Variants in GALNT13 observed in about 807,000 individuals in gnomAD.
GALNT13 encodes the protein UDP-GalNAc:polypeptide N-acetylgalactosaminyltransferase 13.
Under a neutral mutation model 64.2 loss-of-function variants are expected in GALNT13, and 28 were observed. The observed-to-expected ratio is 0.44, with a 90% CI of 0.32 to 0.60. The LOEUF is 0.60. Ranked by LOEUF, GALNT13 falls within the 20% of genes least tolerant of loss-of-function variation. The pLI is 0.05. For synonymous variants in GALNT13, 214 were observed against 224.6 expected (o/e 0.95, Z 0.42); for missense variants, 577 against 669.8 (o/e 0.86, Z 1.53).
the GALNT13 span, among the ~76,000 whole-genome samples, chr2:153,530,392 C>T: frequency 1.4e-4 from 21 of 152,122 alleles, no homozygotes; most frequent in Admixed American, 4.6e-4. Flanking sequence ...AATTGAAAGA[C>T]ATTCCATGCT....
the GALNT13 span, among the ~76,000 whole-genome samples, chr2:153,120,998 A>T: frequency 6.6e-6 from 1 of 152,232 alleles, no homozygotes; most frequent in African/African-American, 2.4e-5. Context: ...TCCTATAGTT[A>T]TAATCTTAGT....
At chr2:153,440,113 C>G in the GALNT13 span, among the ~76,000 whole-genome samples, 1 of 152,046 alleles carries the variant, frequency 6.6e-6, no homozygotes, top group Non-Finnish European at 1.5e-5. Flanking sequence ...CCCCCCACCC[C>G]CAACAGGCCA....
the GALNT13 span, among the ~76,000 whole-genome samples, chr2:153,422,730 G>GA: frequency 6.6e-6 from 1 of 151,516 alleles, no homozygotes; most frequent in African/African-American, 2.4e-5. Context: ...TATTTTTTAA[G>GA]AAAAAAATAC....
chr2:153,316,861 T>C, the GALNT13 span, among the ~76,000 whole-genome samples: 2 of 152,102 alleles, frequency 1.3e-5, no homozygotes, highest in Non-Finnish European at 1.5e-5. Flanking sequence ...TTTGTAGGGA[T>C]TCAAGACAAC....
At chr2:153,947,208 C>T (rs2105392162) in intron 3 of GALNT13, among the ~76,000 whole-genome samples, 1 of 152,082 alleles carries the variant, frequency 6.6e-6, no homozygotes, top group East Asian at 1.9e-4. Flanking sequence ...TATGCAAATC[C>T]TGGGGATATA....
chr2:153,760,252 ATTG>A, the GALNT13 span, among the ~76,000 whole-genome samples: 3 of 151,416 alleles, frequency 2.0e-5, no homozygotes, highest in Admixed American at 6.6e-5. Flanking sequence ...ATTTTCTTCT[ATTG>A]TTTTTCTAGT....
chr2:153,662,234 TG>T, the GALNT13 span, among the ~76,000 whole-genome samples: 1 of 152,168 alleles, frequency 6.6e-6, no homozygotes, highest in African/African-American at 2.4e-5. Context: ...TCCTCCAAAT[TG>T]GGATAACTCT....
At chr2:153,487,476 C>G in the GALNT13 span, among the ~76,000 whole-genome samples, 3 of 152,220 alleles carry the variant, frequency 2.0e-5, no homozygotes, top group Non-Finnish European at 4.4e-5. Context: ...GAAACATTTA[C>G]AGAGCATCTT....
At chr2:154,287,195 G>C in intron 8 of GALNT13, 2 of 1,484,398 alleles carry the variant, frequency 1.3e-6, no homozygotes, top group Non-Finnish European at 1.9e-6. Context: ...AGCAGAGAGG[G>C]CCAGATTTGT....
At chr2:153,325,637 G>T in the GALNT13 span, among the ~76,000 whole-genome samples, 1 of 152,176 alleles carries the variant, frequency 6.6e-6, no homozygotes, top group African/African-American at 2.4e-5. Flanking sequence ...GGCATTTAGT[G>T]CTATAAATTT....
intron 9 of GALNT13, among the ~76,000 whole-genome samples, chr2:154,365,650 A>G (rs1163828864): frequency 1.3e-5 from 2 of 152,222 alleles, no homozygotes; most frequent in Non-Finnish European, 2.9e-5. Flanking sequence ...GACTGAAGTA[A>G]GGAAATGTTT....
intron 8 of GALNT13, among the ~76,000 whole-genome samples, chr2:154,277,426 C>A (rs1159286591): frequency 1.4e-5 from 2 of 147,064 alleles, no homozygotes; most frequent in Non-Finnish European, 2.9e-5. Flanking sequence ...AATAAATGTG[C>A]AACATCTTAA....
rs1055778228 is a variant in GALNT13 at position 154,020,421 on chromosome 2, G to A, written c.142+75782G>A. Among the ~76,000 whole-genome samples the A allele has an allele frequency of 4.7e-4, 72 of 152,198 alleles. No individual in the cohort carries two copies. The Middle Eastern group carries it at 0.014, about 29-fold the overall frequency. On this transcript the variant is annotated intron_variant, in intron 3 of 12. Coordinates refer to ENST00000392825, the MANE Select transcript of GALNT13 (RefSeq NM_052917.4). The stretch of plus-strand genomic sequence containing the variant: ...CTGGTGTGAGATGGTATCTCATTGT[G>A]GTTTTGATTTGCATTTTTCTGATGG...
intron 3 of GALNT13, among the ~76,000 whole-genome samples, chr2:154,014,099 C>G (rs1233119044): frequency 6.6e-6 from 1 of 152,162 alleles, no homozygotes; most frequent in African/African-American, 2.4e-5. Context: ...CAGGACCGCC[C>G]TGTTCCCAAT....
At chr2:153,416,668 G>A in the GALNT13 span, among the ~76,000 whole-genome samples, 2 of 152,014 alleles carry the variant, frequency 1.3e-5, no homozygotes, top group African/African-American at 2.4e-5. Flanking sequence ...TATATCTATT[G>A]GTGTTTTTCT....
the GALNT13 span, among the ~76,000 whole-genome samples, chr2:153,518,567 CTT>C: frequency 2.0e-5 from 3 of 152,118 alleles, no homozygotes; most frequent in African/African-American, 7.2e-5. Context: ...TTTTAAACCT[CTT>C]TGTATTCTAG....
At chr2:153,540,148 G>C in the GALNT13 span, among the ~76,000 whole-genome samples, 1 of 152,158 alleles carries the variant, frequency 6.6e-6, no homozygotes, top group South Asian at 2.1e-4. Context: ...CTGGTCCAGG[G>C]CCCCCCTGCT....
At chr2:154,447,108 G>A (rs2105498747) in intron 12 of GALNT13, among the ~76,000 whole-genome samples, 1 of 151,690 alleles carries the variant, frequency 6.6e-6, no homozygotes, top group East Asian at 1.9e-4. Flanking sequence ...TGCGTCATCA[G>A]ATCTGAAAAA....
chr2:153,979,321 C>T (rs182339801), intron 3 of GALNT13, among the ~76,000 whole-genome samples: 142 of 152,148 alleles, frequency 9.3e-4, no homozygotes, highest in African/African-American at 3.2e-3. Flanking sequence ...TGCTGAGGGG[C>T]ACAGGATCAA....
Sources: gnomAD v4.1 joint callset for allele counts (sites outside exome capture counted in the v4.1 genomes callset) on GRCh38, gnomAD v4.1.1 for gene constraint, MANE v1.5 for transcripts, NCBI Gene and HGNC (gene_info 2026-07-23, HGNC 2026-07-21) for gene names.